TPRX1: variants seen among roughly 807,000 people sequenced by gnomAD.
TPRX1 encodes tetra-peptide repeat homeobox protein 1.
A neutral mutation model predicts 8.1 loss-of-function variants in TPRX1; 2 were observed. The observed-to-expected ratio is 0.25, with a 90% CI of 0.10 to 0.78. The LOEUF (loss-of-function observed/expected upper bound fraction) is 0.78, where lower values mean the gene tolerates loss of function less well. TPRX1 is among the 30% of genes least tolerant of loss of function. The pLI is 0.70. For synonymous variants in TPRX1, 257 were observed against 254.1 expected (o/e 1.01, Z -0.11); for missense variants, 517 against 586.9 (o/e 0.88, Z 1.23).
At chr19:47,818,376 A>ATCCATCCATCC (rs1967869362) in intron 2 of TPRX1, 1 of 332,938 alleles carries the variant, frequency 3.0e-6, no homozygotes, top group African/African-American at 3.9e-5. Context: ...ATCATCCATC[A>ATCCATCCATCC]CCCATCCATC....
intron 2 of TPRX1, among the ~76,000 whole-genome samples, chr19:47,818,265 ATC>A: frequency 7.4e-6 from 1 of 134,976 alleles, no homozygotes; most frequent in Non-Finnish European, 1.5e-5. Flanking sequence ...CCATCCATCC[ATC>A]CATCCATCCA....
At chr19:47,816,846 CT>C (rs910907971) in intron 2 of TPRX1, among the ~76,000 whole-genome samples, 24 of 152,178 alleles carry the variant, frequency 1.6e-4, no homozygotes, top group Non-Finnish European at 1.9e-4. Flanking sequence ...GTGAGCTTTT[CT>C]TTTGCATTTC....
intron 2 of TPRX1, among the ~76,000 whole-genome samples, chr19:47,804,094 C>T (rs1455950788): frequency 6.6e-6 from 1 of 150,406 alleles, no homozygotes; most frequent in Admixed American, 6.7e-5. Context: ...CTCGCTCTGT[C>T]ACCCAGGCTG....
At chr19:47,810,002 C>G (rs1470534708) in intron 2 of TPRX1, among the ~76,000 whole-genome samples, 1 of 151,964 alleles carries the variant, frequency 6.6e-6, no homozygotes, top group Non-Finnish European at 1.5e-5. Flanking sequence ...CACCTGTAAT[C>G]CCAGCACTTT....
intron 3 of TPRX1, 82 bp downstream of exon 2, chr19:47,803,422 C>CG (rs1250085606): frequency 1.6e-6 from 1 of 606,408 alleles, no homozygotes; most frequent in African/African-American, 2.0e-5. Context: ...GGTGGTCGGG[C>CG]GGGCCAGGCC....
At chr19:47,811,096 CG>C (rs1967778773) in intron 2 of TPRX1, among the ~76,000 whole-genome samples, 1 of 151,400 alleles carries the variant, frequency 6.6e-6, no homozygotes, top group Admixed American at 6.6e-5. Flanking sequence ...TTCTGCCTCC[CG>C]GGTTCAAGGG....
chr19:47,815,312 G>T (rs73036935), intron 2 of TPRX1, among the ~76,000 whole-genome samples: 26,741 of 145,364 alleles, frequency 0.18, 2,615 homozygotes, highest in Middle Eastern at 0.24. Flanking sequence ...GCAACACCAT[G>T]CCCGGCTAAG....
At chr19:47,810,816 T>C (rs1460693172) in intron 2 of TPRX1, among the ~76,000 whole-genome samples, 23 of 151,890 alleles carry the variant, frequency 1.5e-4, no homozygotes, top group Admixed American at 1.5e-3. Flanking sequence ...GAGGGGCACA[T>C]GGGCAACAAG....
chr19:47,802,746 G>A lies in TPRX1; in HGVS notation c.556C>T (p.Pro186Ser), dbSNP rs768113705. ...CCAGGGCCTGGACTCAGGGCAGCTG[G>A]GATGCCCTTCTGGGCTCTGCACCCA... Residue 186 changes from proline to serine, a missense_variant, in exon 4 of 4, where the codon CCA becomes TCA. By Grantham distance (74) the Pro-to-Ser change is moderately conservative. This residue lies in a region of TPRX1 where 506 missense variants were observed against 515.5 expected (regional missense o/e 0.98). Transcript: ENST00000535759. 14 of 1,605,114 alleles carry A rather than the reference G, an allele frequency of 8.7e-6. No homozygotes were observed. Among genetic ancestry groups the A allele is most frequent in the Middle Eastern group, 1.7e-4 (1 of 6,048 alleles).
intron 2 of TPRX1, among the ~76,000 whole-genome samples, chr19:47,808,595 G>C (rs867599347): frequency 9.3e-5 from 13 of 139,882 alleles, no homozygotes; most frequent in African/African-American, 3.2e-4. Context: ...CACCACATCT[G>C]GCTAATTTTT....
intron 2 of TPRX1, among the ~76,000 whole-genome samples, chr19:47,807,377 T>G (rs1374721605): frequency 6.6e-6 from 1 of 152,098 alleles, no homozygotes; most frequent in Admixed American, 6.5e-5. Flanking sequence ...CTTTATTTAA[T>G]TAAATTTATT....
In TPRX1 at chr19:47,815,125, T is replaced by TATATATGCAAATATATATATATGCAA. The variant is rs1555800016; in HGVS notation, c.151+3342_151+3343insTTGCATATATATATATTTGCATATAT. ...AATAAATAGATAAATTATATATATA[T>TATATATGCAAATATATATATATGCAA]ATATATATATATATATATGCAAATA... On this transcript the variant is annotated intron_variant, in intron 2 of 3. Transcript: ENST00000535759. Among the ~76,000 whole-genome samples the TATATATGCAAATATATATATATGCAA allele has an allele frequency of 1.6e-4, 16 of 97,414 alleles. 1 individual carries two copies. The highest frequency in any genetic ancestry group is 5.8e-4 in the African/African-American group (15 of 25,642). The allele number at this position is 97,414 out of a possible 152,430, so 63.9% of individuals were successfully genotyped here. A position where few individuals can be genotyped will look rare whatever the true frequency, so the allele number is the denominator to read the frequency against.
intron 2 of TPRX1, among the ~76,000 whole-genome samples, chr19:47,810,575 C>T (rs1443816888): frequency 6.6e-6 from 1 of 151,818 alleles, no homozygotes; most frequent in Non-Finnish European, 1.5e-5. Flanking sequence ...TCTTGAACTC[C>T]TGACCCTGTG....
chr19:47,810,717 T>C (rs1225533593), intron 2 of TPRX1, among the ~76,000 whole-genome samples: 1 of 152,026 alleles, frequency 6.6e-6, no homozygotes, highest in African/African-American at 2.4e-5. Flanking sequence ...GGTTGACTCA[T>C]CTTTGCTCCT....
At chr19:47,802,461 G>T in exon 4 of TPRX1, 1 of 1,519,770 alleles carries the variant, frequency 6.6e-7, no homozygotes, top group Non-Finnish European at 8.9e-7. Context: ...ATCGGGCCTG[G>T]GTTTGGGCCT....
At chr19:47,816,132 A>G (rs1169790059) in intron 2 of TPRX1, among the ~76,000 whole-genome samples, 1 of 148,050 alleles carries the variant, frequency 6.8e-6, no homozygotes, top group East Asian at 2.1e-4. Context: ...TGGTGTGGTG[A>G]GTCTCGGCTC....
chr19:47,815,147 AAT>A (rs201727601), intron 2 of TPRX1, among the ~76,000 whole-genome samples: 2 of 35,020 alleles, frequency 5.7e-5, no homozygotes, highest in South Asian at 2.1e-3. Flanking sequence ...TATATATGCA[AAT>A]ATATATATAT....
chr19:47,816,246 T>C (rs1437854858), intron 2 of TPRX1, among the ~76,000 whole-genome samples: 1 of 151,996 alleles, frequency 6.6e-6, no homozygotes, highest in Non-Finnish European at 1.5e-5. Context: ...TTTTGTATTT[T>C]TAGTAGAGAC....
rs989190211 is a variant in TPRX1, at chr19:47,806,636, C to G, written c.152-2963G>C. 1.3e-5 allele frequency among the ~76,000 whole-genome samples: 2 copies of G among 152,330 alleles called. 1 individual carries two copies. Among genetic ancestry groups the G allele is most frequent in the South Asian group, 4.1e-4 (2 of 4,826 alleles). On this transcript the variant is annotated intron_variant, in intron 2 of 3. Coordinates refer to ENST00000535759, the Ensembl canonical transcript of TPRX1. ...AAAAGGAATAAAGCTCTGATACGTGCTACAACATGGATGAACCTTGCCAAC... is the reference window on the plus strand; with the variant it reads ...AAAAGGAATAAAGCTCTGATACGTGGTACAACATGGATGAACCTTGCCAAC...
Sources: gnomAD v4.1 joint callset for allele counts (sites outside exome capture counted in the v4.1 genomes callset) on GRCh38, gnomAD v4.1.1 for gene constraint, gnomAD v4.1.1 regional missense constraint, MANE v1.5 for transcripts, NCBI Gene and HGNC (gene_info 2026-07-23, HGNC 2026-07-21) for gene names.